LMNB2: variants seen among roughly 807,000 people sequenced by gnomAD.
LMNB2 encodes the protein lamin-B2.
A neutral mutation model predicts 69.3 loss-of-function variants in LMNB2; 17 were observed. The observed-to-expected ratio is 0.25, with a 90% confidence interval of 0.17 to 0.37. The LOEUF (loss-of-function observed/expected upper bound fraction) is 0.37, where lower values mean the gene tolerates loss of function less well. Ranked by LOEUF, LMNB2 falls within the 10% of genes least tolerant of loss-of-function variation. LMNB2 has a pLI of 1.00. For missense variants in LMNB2, 789 were observed against 883.6 expected (o/e 0.89, Z 1.36); for synonymous variants, 397 against 389.3 (o/e 1.02, Z -0.23).
Position 2,447,065 on chromosome 19 carries a change from A to G in LMNB2, c.265-2525T>C, listed in dbSNP as rs1045585340. ...AGGCTGAGGCAGGAGAATGGCATGA[A>G]CCCGGGAGGTGGAACTTGCAGTGAG... On this transcript the variant is annotated intron_variant, in intron 1 of 11. Transcript: ENST00000325327. This position sits in a 1 kb window ranked among gnomAD's most constrained non-coding sequence, Gnocchi z 4.4. Among the ~76,000 whole-genome samples, 1 of 146,128 alleles carries G rather than the reference A, an allele frequency of 6.8e-6. No individual in the cohort carries two copies. Among genetic ancestry groups the G allele is most frequent in the East Asian group, 1.9e-4 (1 of 5,138 alleles).
intron 1 of LMNB2, among the ~76,000 whole-genome samples, chr19:2,454,525 C>A (rs1189780905): frequency 1.3e-5 from 2 of 152,008 alleles, no homozygotes; most frequent in African/African-American, 4.8e-5. Flanking sequence ...GCACTGAGAC[C>A]CAGAGAGGGT....
chr19:2,432,810 C>T lies in LMNB2; in HGVS notation c.1483-287G>A, dbSNP rs145893842. Among the ~76,000 whole-genome samples, 1,315 of 146,214 alleles carry T rather than the reference C, an allele frequency of 9.0e-3. 23 individuals carry two copies. The highest frequency in any genetic ancestry group is 0.032 in the African/African-American group (1,236 of 38,568). On this transcript the variant is annotated intron_variant, in intron 8 of 11. Transcript: ENST00000325327. ...CCTGCCTCGCATTGGCCGGCAGCCC[C>T]GTCACCCTGACCCTGGTCACCCCAT...
At chr19:2,441,410 C>A (rs1971899211) in intron 2 of LMNB2, among the ~76,000 whole-genome samples, 3 of 152,266 alleles carry the variant, frequency 2.0e-5, no homozygotes, top group South Asian at 2.1e-4. Context: ...CTGTCCGCAG[C>A]CCTCAGGGAC....
At chr19:2,451,218 C>T (rs910156972) in intron 1 of LMNB2, among the ~76,000 whole-genome samples, 1 of 152,154 alleles carries the variant, frequency 6.6e-6, no homozygotes, top group Non-Finnish European at 1.5e-5. Context: ...CACTGCATTC[C>T]AGCCTGGAAA....
rs1971705706 is a variant in LMNB2 at position 2,429,453 on chromosome 19, T to C, written c.*1458A>G. On this transcript the variant is annotated 3_prime_UTR_variant, in exon 12 of 12. Transcript: ENST00000325327. The stretch of plus-strand genomic sequence containing the variant: ...AGCAGGGGCTACGTGGAGCAGCGGG[T>C]GTTTCTGCTTTGTCGGCCGCTGGCT... The C allele has an allele frequency of 6.6e-6, 1 of 152,204 alleles. No individual in the cohort carries two copies. The allele number at this position is 152,204 out of a possible 1,614,324, so 9.4% of individuals were successfully genotyped here.
rs746027881 is a variant in LMNB2 at position 2,438,267 on chromosome 19, C to G, written c.580G>C (p.Ala194Pro). ...GTCTCCTTCTCCAGCTGCTTTTTGGCCACTGCATGACCGTCCTCGGCCTGG... is the reference window on the plus strand; with the variant it reads ...GTCTCCTTCTCCAGCTGCTTTTTGGGCACTGCATGACCGTCCTCGGCCTGG... ...LAKAEDGHAV[A>P]KKQLEKETLM... Residue 194 changes from alanine to proline, a missense_variant, in exon 4 of 12, where the codon GCC becomes CCC. Physicochemically the swap from Ala to Pro is conservative, Grantham distance 27. This residue lies in a region of LMNB2 where 609 missense variants were observed against 630.9 expected (regional missense o/e 0.97). Coordinates refer to ENST00000325327, the MANE Select transcript of LMNB2 (RefSeq NM_032737.4). The G allele has an allele frequency of 1.2e-6, 2 of 1,614,048 alleles. No individual in the cohort carries two copies. The highest frequency in any genetic ancestry group is 1.7e-6 in the Non-Finnish European group (2 of 1,180,032).
At chr19:2,436,260 G>A (rs945480491) in intron 4 of LMNB2, among the ~76,000 whole-genome samples, 4 of 152,152 alleles carry the variant, frequency 2.6e-5, no homozygotes, top group Non-Finnish European at 5.9e-5. Context: ...TCCAGCCTGG[G>A]TGACAGAGCA....
Position 2,436,440 on chromosome 19 carries a change from G to A in LMNB2, c.685-1269C>T, listed in dbSNP as rs565124861. Among the ~76,000 whole-genome samples, 6 of 147,342 alleles carry A rather than the reference G, an allele frequency of 4.1e-5. No homozygotes were observed. In the South Asian group the frequency reaches 1.3e-3, roughly 32 times the overall value. On this transcript the variant is annotated intron_variant, in intron 4 of 11. Transcript: ENST00000325327. ...AACAGTAGAAACGCTTCTGAAGGAA[G>A]CTGGCCACCTTTGCAGTCAGCAAGG...
At chr19:2,454,691 A>G (rs1195230053) in intron 1 of LMNB2, among the ~76,000 whole-genome samples, 1 of 152,060 alleles carries the variant, frequency 6.6e-6, no homozygotes, top group African/African-American at 2.4e-5. Flanking sequence ...TTCGGCACCC[A>G]GCTCTCCCAA....
At chr19:2,436,965 CGTGA>C (rs1971834392) in intron 4 of LMNB2, 1 of 152,434 alleles carries the variant, frequency 6.6e-6, no homozygotes, top group Middle Eastern at 3.4e-3. Flanking sequence ...CAGAAGCTCT[CGTGA>C]GTCTCTTCAC....
At chr19:2,440,801 TCATC>T (rs936271387) in intron 2 of LMNB2, among the ~76,000 whole-genome samples, 2 of 151,554 alleles carry the variant, frequency 1.3e-5, no homozygotes, top group African/African-American at 4.9e-5. Flanking sequence ...ATCCATCTAC[TCATC>T]CATCCATCAT....
In LMNB2 at chr19:2,444,504, C is replaced by A. The variant is rs1971932152; in HGVS notation, c.301G>T (p.Ala101Ser). ...TCATCCAGGACTCTCCGGGCATCGG[C>A]CAGCTCCGACTCGTACAGCGCCTTG... ...GIKALYESELADARRVLDETA... is the reference protein window; with the variant it reads ...GIKALYESELSDARRVLDETA... Residue 101 changes from alanine (A) to serine (S), a missense_variant, in exon 2 of 12, where the codon GCC becomes TCC. By Grantham distance (99) the Ala-to-Ser change is moderately conservative. Coordinates refer to ENST00000325327, the MANE Select transcript of LMNB2 (RefSeq NM_032737.4). The A allele has an allele frequency of 1.2e-6, 2 of 1,612,718 alleles. No individual in the cohort carries two copies. Among genetic ancestry groups the A allele is most frequent in the Non-Finnish European group, 1.7e-6 (2 of 1,180,034 alleles).
chr19:2,441,793 G>T (rs1412125637), intron 2 of LMNB2, among the ~76,000 whole-genome samples: 1 of 152,222 alleles, frequency 6.6e-6, no homozygotes, highest in Non-Finnish European at 1.5e-5. Flanking sequence ...AAGGAGCAGT[G>T]CTGGAGGAGC....
chr19:2,448,884 C>A (rs1321609712), intron 1 of LMNB2, among the ~76,000 whole-genome samples: 1 of 152,154 alleles, frequency 6.6e-6, no homozygotes, highest in Non-Finnish European at 1.5e-5. Flanking sequence ...CATATTCTTA[C>A]TGCACCTTTC....
intron 1 of LMNB2, among the ~76,000 whole-genome samples, chr19:2,451,121 A>T (rs919703879): frequency 6.6e-6 from 1 of 152,052 alleles, no homozygotes; most frequent in African/African-American, 2.4e-5. Context: ...CAAACCTGTG[A>T]TCCCAGCTAC....
In LMNB2 at chr19:2,432,506, G is replaced by A. The variant is rs775194172; in HGVS notation, c.1500C>T (p.Asn500=). ...NNSDKDQSLG[N]WRIKRQVLEG... The stretch of plus-strand genomic sequence containing the variant: ...CCAAGACCTGCCTCTTGATTCTCCA[G>A]TTCCCCAGAGACTGATCCTGGAAGA... Residue 500 remains asparagine, a synonymous_variant, in exon 9 of 12, where the codon AAC becomes AAT. Coordinates refer to ENST00000325327, the MANE Select transcript of LMNB2 (RefSeq NM_032737.4). 1 of 1,613,692 alleles carries A rather than the reference G, an allele frequency of 6.2e-7. No homozygotes were observed. Among genetic ancestry groups the A allele is most frequent in the Non-Finnish European group, 8.5e-7 (1 of 1,179,776 alleles).
intron 11 of LMNB2, 46 bp from the exon 12 acceptor site, chr19:2,430,998 T>A (rs1280925498): frequency 7.2e-7 from 1 of 1,391,164 alleles, no homozygotes; most frequent in Non-Finnish European, 1.0e-6. Flanking sequence ...AGGGCCAGCC[T>A]GGAGGCAGCC....
intron 1 of LMNB2, among the ~76,000 whole-genome samples, chr19:2,452,281 C>G (rs1332150650): frequency 6.6e-6 from 1 of 152,148 alleles, no homozygotes; most frequent in Non-Finnish European, 1.5e-5. Context: ...AAGAAGTGAG[C>G]AAGTTAGCCG....
chr19:2,436,113 G>A (rs765088858), intron 4 of LMNB2, among the ~76,000 whole-genome samples: 17 of 152,118 alleles, frequency 1.1e-4, no homozygotes, highest in Non-Finnish European at 2.1e-4. Flanking sequence ...TGAAAACCCC[G>A]TCTGTACTAA....
Sources: gnomAD v4.1 joint callset for allele counts (sites outside exome capture counted in the v4.1 genomes callset) on GRCh38, gnomAD v4.1.1 for gene constraint, gnomAD v4.1.1 regional missense constraint, Gnocchi (gnomAD v3.1) non-coding constraint, MANE v1.5 for transcripts, NCBI Gene and HGNC (gene_info 2026-07-23, HGNC 2026-07-21) for gene names.